The following NKAIN3 variants were observed in gnomAD, a reference collection of about 807,000 sequenced individuals.
NKAIN3 encodes the protein sodium/potassium-transporting ATPase subunit beta-1-interacting protein 3.
A neutral mutation model predicts 30.2 loss-of-function variants in NKAIN3; 25 were observed. That is an observed-to-expected ratio of 0.83 (90% CI 0.60 to 1.16). The LOEUF (loss-of-function observed/expected upper bound fraction) is 1.16, where lower values mean the gene tolerates loss of function less well. Among genes scored for constraint, NKAIN3 ranks in the 50% most tolerant of loss-of-function variants. NKAIN3 has a pLI of 0.00. For missense variants in NKAIN3, 225 were observed against 254.1 expected (o/e 0.89, Z 0.78); for synonymous variants, 91 against 89.6 (o/e 1.02, Z -0.09).
chr8:62,254,119 G>A (rs568506630), intron 1 of NKAIN3, among the ~76,000 whole-genome samples: 32 of 151,720 alleles, frequency 2.1e-4, no homozygotes, highest in African/African-American at 5.6e-4. Flanking sequence ...GGGTTACATC[G>A]TGAGTAACAA....
At chr8:62,479,702 C>T (rs1415733493) in intron 1 of NKAIN3, among the ~76,000 whole-genome samples, 8 of 152,138 alleles carry the variant, frequency 5.3e-5, no homozygotes, top group African/African-American at 1.9e-4. Flanking sequence ...AAAAAGGTAT[C>T]TATGGCCTCT....
intron 4 of NKAIN3, among the ~76,000 whole-genome samples, chr8:62,869,869 G>A (rs1382953632): frequency 6.6e-6 from 1 of 152,168 alleles, no homozygotes; most frequent in Non-Finnish European, 1.5e-5. Context: ...CCGAGTTCAC[G>A]CCATTCTCCT....
intron 3 of NKAIN3, among the ~76,000 whole-genome samples, chr8:62,729,325 A>G (rs1473815505): frequency 6.6e-6 from 1 of 152,150 alleles, no homozygotes; most frequent in Non-Finnish European, 1.5e-5. Flanking sequence ...ACGTGATGCC[A>G]CTACATACCT....
intron 3 of NKAIN3, among the ~76,000 whole-genome samples, chr8:62,734,508 T>A (rs1002383289): frequency 6.6e-6 from 1 of 152,202 alleles, no homozygotes; most frequent in Non-Finnish European, 1.5e-5. Flanking sequence ...TAGAAAGGAA[T>A]GTTTGAATTT....
At chr8:62,331,158 C>G (rs930665249) in intron 1 of NKAIN3, among the ~76,000 whole-genome samples, 7 of 146,156 alleles carry the variant, frequency 4.8e-5, no homozygotes, top group Non-Finnish European at 1.1e-4. Context: ...CCCTCTTCCT[C>G]CCCCCCAAAG....
At chr8:62,328,140 A>G (rs1178649499) in intron 1 of NKAIN3, among the ~76,000 whole-genome samples, 1 of 152,076 alleles carries the variant, frequency 6.6e-6, no homozygotes, top group Non-Finnish European at 1.5e-5. Context: ...GTGGGTTAAA[A>G]CTTCATTAGA....
At chr8:62,784,480 A>T (rs1358205348) in intron 4 of NKAIN3, among the ~76,000 whole-genome samples, 1 of 152,026 alleles carries the variant, frequency 6.6e-6, no homozygotes, top group African/African-American at 2.4e-5. Context: ...ATTTTAAAAG[A>T]TTATAAGATA....
chr8:62,626,921 G>A lies in NKAIN3; in HGVS notation c.273+37127G>A, dbSNP rs114994284. Among the ~76,000 whole-genome samples the A allele has an allele frequency of 9.4e-3, 1,433 of 152,172 alleles. 23 individuals carry two copies. The highest frequency in any genetic ancestry group is 0.032 in the African/African-American group (1,318 of 41,524). On this transcript the variant is annotated intron_variant, in intron 3 of 6. Transcript: ENST00000623646. The stretch of plus-strand genomic sequence containing the variant: ...TTCAACATGTCAGTGAAATACAGGG[G>A]AATTTAGCAAGTTTTTAAAGGCATT...
At chr8:62,387,448 C>T (rs1017225839) in intron 1 of NKAIN3, among the ~76,000 whole-genome samples, 5 of 152,142 alleles carry the variant, frequency 3.3e-5, no homozygotes, top group Admixed American at 3.3e-4. Flanking sequence ...AAACACCCAT[C>T]CACATTGAAC....
At chr8:62,439,141 GA>G (rs1163016148) in intron 1 of NKAIN3, among the ~76,000 whole-genome samples, 1 of 152,174 alleles carries the variant, frequency 6.6e-6, no homozygotes, top group Non-Finnish European at 1.5e-5. Context: ...AGGAAAGAGC[GA>G]TATGATCTGA....
chr8:62,249,204 C>T, intron 1 of NKAIN3, 77 bp downstream of exon 1: 4 of 1,266,546 alleles, frequency 3.2e-6, no homozygotes, highest in South Asian at 2.8e-5. Flanking sequence ...TCTGCGGTTC[C>T]GCAGCTCCCG....
At chr8:62,801,543 C>G (rs976884900) in intron 4 of NKAIN3, among the ~76,000 whole-genome samples, 3 of 152,164 alleles carry the variant, frequency 2.0e-5, no homozygotes, top group Non-Finnish European at 2.9e-5. Context: ...CTCCAACAGA[C>G]CTGCAGCTGA....
chr8:62,810,480 T>C (rs564242191), intron 4 of NKAIN3, among the ~76,000 whole-genome samples: 7 of 152,266 alleles, frequency 4.6e-5, no homozygotes, highest in Middle Eastern at 3.4e-3. Context: ...TTAGACTCCA[T>C]GGGCTTCAGT....
At chr8:62,884,364 T>C (rs917660256) in intron 4 of NKAIN3, among the ~76,000 whole-genome samples, 5 of 152,112 alleles carry the variant, frequency 3.3e-5, no homozygotes, top group African/African-American at 7.2e-5. Flanking sequence ...GTTCAAGATA[T>C]TCTCCTGCCT....
intron 1 of NKAIN3, among the ~76,000 whole-genome samples, chr8:62,535,219 A>G (rs569790416): frequency 3.6e-4 from 55 of 152,278 alleles, no homozygotes; most frequent in African/African-American, 1.3e-3. Flanking sequence ...TGTTTCAGTT[A>G]TGCTCATATT....
intron 1 of NKAIN3, among the ~76,000 whole-genome samples, chr8:62,294,537 C>G (rs117094653): frequency 6.6e-6 from 1 of 151,992 alleles, no homozygotes; most frequent in Non-Finnish European, 1.5e-5. Flanking sequence ...CAGATGTGTT[C>G]TTTTTACTCT....
intron 5 of NKAIN3, chr8:62,990,704 T>C (rs1241925011): frequency 1.3e-5 from 2 of 152,296 alleles, no homozygotes; most frequent in Non-Finnish European, 2.9e-5. Context: ...ACTTCTATAA[T>C]GTGCCAGGCT....
At chr8:62,567,193 G>A (rs1367289315) in intron 1 of NKAIN3, among the ~76,000 whole-genome samples, 2 of 152,070 alleles carry the variant, frequency 1.3e-5, no homozygotes, top group Non-Finnish European at 2.9e-5. Context: ...TAAGTAATAG[G>A]GTTGGTCCTA....
At chr8:62,703,887 C>A (rs1428460219) in intron 3 of NKAIN3, among the ~76,000 whole-genome samples, 1 of 152,122 alleles carries the variant, frequency 6.6e-6, no homozygotes, top group Non-Finnish European at 1.5e-5. Context: ...CAATTTATAT[C>A]CTAATCTTTT....
Sources: allele counts gnomAD v4.1 joint callset (sites outside exome capture counted in the v4.1 genomes callset), GRCh38; gene constraint gnomAD v4.1.1; transcripts MANE v1.5; gene names NCBI Gene and HGNC (gene_info 2026-07-23, HGNC 2026-07-21).